Variants in NDUFAF6 observed in about 807,000 individuals in gnomAD.
NDUFAF6 encodes the protein NADH dehydrogenase (ubiquinone) complex I, assembly factor 6.
Under a neutral mutation model 40.8 loss-of-function variants are expected in NDUFAF6, and 45 were observed. The ratio of observed to expected loss-of-function variants is 1.10; its 90% confidence interval spans 0.87 to 1.42. The LOEUF (loss-of-function observed/expected upper bound fraction) is 1.42. Ranked by LOEUF, NDUFAF6 falls within the 40% of genes most tolerant of loss-of-function variation. The pLI, the probability that NDUFAF6 is intolerant of heterozygous loss-of-function variation, is 0.00. For synonymous variants in NDUFAF6, 185 were observed against 155.9 expected, an observed-to-expected ratio of 1.19 and a Z score of -1.39; for missense variants, 435 against 418.5, an observed-to-expected ratio of 1.04 and a Z score of -0.34.
intron 1 of NDUFAF6, chr8:94,939,918 G>A: frequency 6.2e-7 from 1 of 1,614,128 alleles, no homozygotes; most frequent in Middle Eastern, 1.7e-4. Flanking sequence ...CTGAGACCAG[G>A]GCAGGAGTTA....
At position 95,110,604 on chromosome 8, in the gene NDUFAF6, T is replaced by C. The variant is rs148897368; in HGVS notation, n.345-4932T>C. 3.9e-5 allele frequency among the ~76,000 whole-genome samples: 6 copies of C among 152,320 alleles called. 1 individual carries two copies. In the East Asian group the frequency reaches 9.6e-4, roughly 24 times the overall value. ...AGATAAAGAGAAGTTAAGCCACTGA[T>C]TGAAAAACAACAGCCAGTAAGTAGC... On this transcript the variant is annotated intron_variant and non_coding_transcript_variant, in intron 4 of 5. Transcript: ENST00000523184.
intron 1 of NDUFAF6, among the ~76,000 whole-genome samples, chr8:94,978,081 T>TTAA (rs931901281): frequency 4.1e-4 from 62 of 152,278 alleles, no homozygotes; most frequent in African/African-American, 1.4e-3. Flanking sequence ...CTTTGTTCTA[T>TTAA]TAATAATTCG....
chr8:94,962,616 G>GTT (rs1289805308), intron 1 of NDUFAF6, among the ~76,000 whole-genome samples: 10 of 97,670 alleles, frequency 1.0e-4, no homozygotes, highest in African/African-American at 2.3e-4. Context: ...TTTGTTTTTT[G>GTT]TTTTTTTTTT....
intron 7 of NDUFAF6, among the ~76,000 whole-genome samples, chr8:95,049,604 G>A (rs752183677): frequency 6.6e-6 from 1 of 152,070 alleles, no homozygotes; most frequent in African/African-American, 2.4e-5. Flanking sequence ...ATTCTAAAGA[G>A]TTGGACACTT....
intron 1 of NDUFAF6, among the ~76,000 whole-genome samples, chr8:94,959,126 T>A (rs977483963): frequency 2.6e-5 from 4 of 152,074 alleles, no homozygotes; most frequent in Non-Finnish European, 5.9e-5. Context: ...AGGGATGGGA[T>A]CAAGAAGTAT....
chr8:94,946,964 C>T (rs956788759), intron 2 of NDUFAF6, among the ~76,000 whole-genome samples: 3 of 152,096 alleles, frequency 2.0e-5, no homozygotes, highest in Non-Finnish European at 2.9e-5. Flanking sequence ...ATTTGAGTTT[C>T]TTTATCCATA....
At chr8:94,911,193 T>C (rs922512723) in intron 1 of NDUFAF6, among the ~76,000 whole-genome samples, 19 of 152,214 alleles carry the variant, frequency 1.2e-4, no homozygotes, top group Non-Finnish European at 2.6e-4. Flanking sequence ...CATGTATTGA[T>C]ATTGTGATTC....
chr8:94,916,904 G>A (rs1819170549), intron 1 of NDUFAF6, among the ~76,000 whole-genome samples: 1 of 150,804 alleles, frequency 6.6e-6, no homozygotes, highest in South Asian at 2.1e-4. Context: ...CACGAGGTCA[G>A]GAGATCAAGA....
intron 1 of NDUFAF6, among the ~76,000 whole-genome samples, chr8:94,902,955 C>T (rs149283174): frequency 0.024 from 3,698 of 152,136 alleles, 123 homozygotes; most frequent in African/African-American, 0.083. Flanking sequence ...CCACCTGCCT[C>T]GGCCTCAAAG....
At chr8:94,935,638 G>A (rs1421972701) in intron 1 of NDUFAF6, among the ~76,000 whole-genome samples, 1 of 152,198 alleles carries the variant, frequency 6.6e-6, no homozygotes, top group East Asian at 1.9e-4. Flanking sequence ...AAAATGGTCG[G>A]GGTGGTGAAG....
chr8:95,035,041 G>A (rs1427986693), intron 2 of NDUFAF6, among the ~76,000 whole-genome samples: 4 of 151,888 alleles, frequency 2.6e-5, no homozygotes, highest in Non-Finnish European at 4.4e-5. Flanking sequence ...CACCACACCC[G>A]GCTAATTTTT....
At chr8:94,990,481 A>T (rs1340912328) in intron 2 of NDUFAF6, among the ~76,000 whole-genome samples, 1 of 152,160 alleles carries the variant, frequency 6.6e-6, no homozygotes, top group Non-Finnish European at 1.5e-5. Context: ...ACTTCCTCTG[A>T]TGGGTTCTTG....
upstream of NDUFAF6, among the ~76,000 whole-genome samples, chr8:94,953,823 T>G (rs1822841759): frequency 1.3e-5 from 2 of 152,240 alleles, no homozygotes; most frequent in Admixed American, 1.3e-4. Context: ...TTTTTTTTCT[T>G]TTTGCATGAA....
chr8:95,066,268 T>TGCCTGGC (rs993589821), intron 9 of NDUFAF6, among the ~76,000 whole-genome samples: 1 of 149,160 alleles, frequency 6.7e-6, no homozygotes, highest in Non-Finnish European at 1.5e-5. Flanking sequence ...TGTGCCATCA[T>TGCCTGGC]GCCTGGCTTG....
intron 2 of NDUFAF6, among the ~76,000 whole-genome samples, chr8:94,946,719 A>AAAAAAAAAAAAAAAAC (rs1563736851): frequency 6.7e-6 from 1 of 149,268 alleles, no homozygotes; most frequent in South Asian, 2.1e-4. Flanking sequence ...AAAAAAAAAA[A>AAAAAAAAAAAAAAAAC]AGACAGGCCC....
chr8:94,937,440 CAA>C (rs1173351669), intron 1 of NDUFAF6, among the ~76,000 whole-genome samples: 5 of 93,682 alleles, frequency 5.3e-5, no homozygotes, highest in Non-Finnish European at 4.7e-5. Context: ...GACTCCATCT[CAA>C]AAAAAAAAAA....
At chr8:95,082,026 T>C (rs1808886446) in intron 2 of NDUFAF6, among the ~76,000 whole-genome samples, 1 of 152,112 alleles carries the variant, frequency 6.6e-6, no homozygotes, top group African/African-American at 2.4e-5. Context: ...ATCGCGCCAC[T>C]GCACTCCAGC....
intron 1 of NDUFAF6, among the ~76,000 whole-genome samples, chr8:94,964,577 G>A (rs954995168): frequency 1.3e-5 from 2 of 152,174 alleles, no homozygotes; most frequent in African/African-American, 4.8e-5. Flanking sequence ...TTTGCTCATG[G>A]CAGAAGGCAA....
chr8:94,987,508 A>G (rs201590607), intron 2 of NDUFAF6, among the ~76,000 whole-genome samples: 13 of 119,458 alleles, frequency 1.1e-4, no homozygotes, highest in Non-Finnish European at 2.1e-4. Flanking sequence ...CCCAGCCACA[A>G]CAGAGCATTA....
Sources: gnomAD v4.1 joint callset for allele counts (sites outside exome capture counted in the v4.1 genomes callset) on GRCh38, gnomAD v4.1.1 for gene constraint, MANE v1.5 for transcripts, NCBI Gene and HGNC (gene_info 2026-07-23, HGNC 2026-07-21) for gene names.